Variants in MED24 observed in about 807,000 individuals in gnomAD.
MED24 encodes mediator complex subunit 24.
Under a neutral mutation model 118.8 loss-of-function variants are expected in MED24, and 74 were observed. That is an observed-to-expected ratio of 0.62 (90% confidence interval 0.52 to 0.76). MED24 has a LOEUF of 0.76. MED24 is among the 30% of genes least tolerant of loss of function. The pLI, the probability that MED24 is intolerant of heterozygous loss-of-function variation, is 0.00. For missense variants in MED24, 1,041 were observed against 1,278.9 expected (o/e 0.81, Z 2.84); for synonymous variants, 521 against 523.9 (o/e 0.99, Z 0.08).
At position 40,026,642 on chromosome 17, in the gene MED24, G is replaced by T. The variant is rs1156232151; in HGVS notation, c.1809+5C>A. The stretch of plus-strand genomic sequence containing the variant: ...GAGCAAACGCTGCTGGGAAGGCGGG[G>T]CTACCTGGATGGACTCGAAGGCCAG... On this transcript the variant is annotated splice_donor_5th_base_variant and intron_variant, in intron 18 of 25. Transcript: ENST00000394128. 6.2e-7 allele frequency: 1 copy of T among 1,603,102 alleles called. No individual in the cohort carries two copies. The highest frequency in any genetic ancestry group is 2.2e-5 in the East Asian group (1 of 44,508).
At position 40,022,409 on chromosome 17, in the gene MED24, G is replaced by A; in HGVS notation, c.2508C>T (p.His836=). Residue 836 remains histidine (H), a synonymous_variant, in exon 22 of 26, where the codon CAC becomes CAT. Transcript: ENST00000394128. ...GQASTRQKKR[H]REDIEDYISL... ...GGGGGCCTACCTCAATGTCTTCGCG[G>A]TGTCTCTTCTTCTGGCGGGTGGACG... 1 of 1,610,126 alleles carries A rather than the reference G, an allele frequency of 6.2e-7. No individual in the cohort carries two copies. Among genetic ancestry groups the A allele is most frequent in the Non-Finnish European group, 8.5e-7 (1 of 1,178,378 alleles).
chr17:40,032,113 A>G (rs1284703926), intron 9 of MED24, 23 bp from the exon 10 acceptor site: 2 of 1,611,772 alleles, frequency 1.2e-6, no homozygotes, highest in Admixed American at 1.7e-5. Flanking sequence ...GCAGGGGGAA[A>G]AACAGGAAGA....
In MED24 at chr17:40,022,425, C is replaced by A. The variant is rs745781592; in HGVS notation, c.2492G>T (p.Arg831Leu). 2 of 1,610,526 alleles carry A rather than the reference C, an allele frequency of 1.2e-6. No homozygotes were observed. Among genetic ancestry groups the A allele is most frequent in the Admixed American group, 1.7e-5 (1 of 59,394 alleles). The change falls in exon 22 of 26, where the codon CGC becomes CTC. Residue 831 changes from arginine to leucine, a missense_variant. Coordinates refer to ENST00000394128, the MANE Select transcript of MED24 (RefSeq NM_014815.4). ...GTCTTCGCGGTGTCTCTTCTTCTGG[C>A]GGGTGGACGCCTGTCCCTTGTGGGA... ...YSSHKGQASTRQKKRHREDIE... is the reference protein window; with the variant it reads ...YSSHKGQASTLQKKRHREDIE...
chr17:40,024,722 T>C (rs1416230457), intron 19 of MED24, among the ~76,000 whole-genome samples: 1 of 152,106 alleles, frequency 6.6e-6, no homozygotes, highest in South Asian at 2.1e-4. Context: ...AGCCACACAA[T>C]AGAGGTTTCT....
rs1011149880 is a variant in MED24, at chr17:40,029,968, T to C, written c.1155-109A>G. 7 of 899,722 alleles carry C rather than the reference T, an allele frequency of 7.8e-6. No homozygotes were observed. In the African/African-American group the frequency reaches 1.2e-4, roughly 15 times the overall value. The allele number at this position is 899,722 out of a possible 1,614,324, so 55.7% of individuals were successfully genotyped here. A position where few individuals can be genotyped will look rare whatever the true frequency, so the allele number is the denominator to read the frequency against. On this transcript the variant is annotated intron_variant, in intron 12 of 25. Transcript: ENST00000394128. The stretch of plus-strand genomic sequence containing the variant: ...AAATGCGCAGAGGAGGTGGGAAGCA[T>C]GTAAGAACCTCCGAGGTTGGGGTGA...
At chr17:40,042,926 A>C (rs1434330771) in intron 3 of MED24, among the ~76,000 whole-genome samples, 1 of 152,216 alleles carries the variant, frequency 6.6e-6, no homozygotes, top group Non-Finnish European at 1.5e-5. Context: ...AAATTAGAGA[A>C]TATATTTTTC....
chr17:40,028,260 C>T (rs1018830169), intron 14 of MED24, among the ~76,000 whole-genome samples: 1 of 151,956 alleles, frequency 6.6e-6, no homozygotes, highest in African/African-American at 2.4e-5. Flanking sequence ...TTACAGGTGC[C>T]CGCCACCACA....
In MED24 at chr17:40,019,773, G is replaced by C; in HGVS notation, c.2853+12C>G. The C allele has an allele frequency of 1.2e-6, 2 of 1,611,936 alleles. No individual in the cohort carries two copies. The highest frequency in any genetic ancestry group is 1.7e-6 in the Non-Finnish European group (2 of 1,178,740). On this transcript the variant is annotated intron_variant, in intron 25 of 25. Transcript: ENST00000394128. ...CCAGCACCAGCAGGAGAGCCGGGAA[G>C]GTGGTACTCACGGTGGTGAAGGGCA...
chr17:40,051,630 A>AT lies in MED24; in HGVS notation c.213+1667dup, dbSNP rs536129416. ...TCTGCCTCAATCAATCAATCAATCA[A>AT]TAAAAAATAAGGCTGGGCGTGGTGG... On this transcript the variant is annotated intron_variant, in intron 3 of 25. Transcript: ENST00000394128. 4.4e-4 allele frequency among the ~76,000 whole-genome samples: 67 copies of AT among 150,582 alleles called. No homozygotes were observed. The East Asian group carries it at 0.012, about 27-fold the overall frequency.
chr17:40,022,525 C>T (rs1338949472), intron 21 of MED24, 41 bp from the exon 22 acceptor site: 3 of 1,593,134 alleles, frequency 1.9e-6, no homozygotes, highest in Non-Finnish European at 2.6e-6. Flanking sequence ...GTGAGAGGTG[C>T]CCCAGGAGCT....
Position 40,035,117 on chromosome 17 carries a change from A to C in MED24, c.559T>G (p.Ser187Ala). The change falls in exon 6 of 26, where the codon TCT (serine) becomes GCT (alanine). Residue 187 changes from serine to alanine, a missense_variant and splice_region_variant. Physicochemically the swap from Ser to Ala is moderately conservative, Grantham distance 99. This residue lies in a region of MED24 where 434 missense variants were observed against 514.9 expected (regional missense o/e 0.84). Transcript: ENST00000394128. ...GGCTCAGGGGAATCAAGGGACATAC[A>C]GGCCTCCTCTAGTTTGGCGATGTGC... Reference protein sequence around the residue: ...LLHIAKLEEASSWTAIEHSLL... With the variant: ...LLHIAKLEEAASWTAIEHSLL... The C allele has an allele frequency of 1.2e-6, 2 of 1,614,038 alleles. No homozygotes were observed. Among genetic ancestry groups the C allele is most frequent in the Non-Finnish European group, 1.7e-6 (2 of 1,179,940 alleles).
rs112526586 is a variant in MED24 at position 40,020,363 on chromosome 17, G to A, written c.2624-10C>T. On this transcript the variant is annotated splice_polypyrimidine_tract_variant and intron_variant, in intron 23 of 25. Coordinates refer to ENST00000394128, the MANE Select transcript of MED24 (RefSeq NM_014815.4). The stretch of plus-strand genomic sequence containing the variant: ...CTCATGGATCGGTCTGCTGTGGGAC[G>A]GAGCAGATGGAGCGCTGGGAAACAG... 37 of 1,585,324 alleles carry A rather than the reference G, an allele frequency of 2.3e-5. No homozygotes were observed. The African/African-American group carries it at 2.7e-4, about 12-fold the overall frequency.
Position 40,019,549 on chromosome 17 carries a change from T to C in MED24, c.2950A>G (p.Lys984Glu). ...SLPLGRQVAA[K>E]AIAAL Reference sequence around the variant, plus strand: ...GCCCCTCAGAGTGCAGCAATGGCTTTAGCAGCCACCTGGCGGCCCAGGGGC... The same window carrying C: ...GCCCCTCAGAGTGCAGCAATGGCTTCAGCAGCCACCTGGCGGCCCAGGGGC... The change falls in exon 26 of 26, where the codon AAA becomes GAA. Residue 984 changes from lysine (K) to glutamate (E), a missense_variant. Physicochemically the swap from Lys to Glu is moderately conservative, Grantham distance 56. Coordinates refer to ENST00000394128, the MANE Select transcript of MED24 (RefSeq NM_014815.4). The C allele has an allele frequency of 6.2e-7, 1 of 1,612,346 alleles. No individual in the cohort carries two copies. Among genetic ancestry groups the C allele is most frequent in the Non-Finnish European group, 8.5e-7 (1 of 1,179,628 alleles).
At chr17:40,020,933 C>T (rs1403120543) in intron 23 of MED24, among the ~76,000 whole-genome samples, 4 of 151,716 alleles carry the variant, frequency 2.6e-5, no homozygotes, top group African/African-American at 4.8e-5. Context: ...ATTAGCCAGG[C>T]GTTGTGGCAG....
intron 16 of MED24, 74 bp downstream of exon 16, chr17:40,027,309 A>G: frequency 6.8e-7 from 1 of 1,472,504 alleles, no homozygotes; most frequent in Non-Finnish European, 9.2e-7. Flanking sequence ...GCGGGGGCGC[A>G]GGCAGTGAGG....
At chr17:40,043,716 C>G (rs1371790289) in intron 3 of MED24, among the ~76,000 whole-genome samples, 5 of 151,120 alleles carry the variant, frequency 3.3e-5, no homozygotes, top group African/African-American at 1.2e-4. Flanking sequence ...TTCGTGAAAC[C>G]CCATCTCTAC....
Position 40,022,013 on chromosome 17 carries a change from C to A in MED24, c.2565G>T (p.Ser855=), listed in dbSNP as rs567960186. 2.5e-6 allele frequency: 4 copies of A among 1,611,908 alleles called. No homozygotes were observed. Among genetic ancestry groups the A allele is most frequent in the Non-Finnish European group, 3.4e-6 (4 of 1,178,994 alleles). The change falls in exon 23 of 26, where the codon TCG becomes TCT. Residue 855 remains serine, a synonymous_variant. Coordinates refer to ENST00000394128, the MANE Select transcript of MED24 (RefSeq NM_014815.4). Reference sequence around the variant, plus strand: ...TAGAGCTCAGCAGTCGCATCAACTTCGAAGGCTGCACATCGTCCAGGGGGA... The same window carrying A: ...TAGAGCTCAGCAGTCGCATCAACTTAGAAGGCTGCACATCGTCCAGGGGGA... The part of the protein sequence containing the change: ...SLFPLDDVQP[S]KLMRLLSSNE...
chr17:40,043,838 C>T (rs1223568650), intron 3 of MED24, among the ~76,000 whole-genome samples: 2 of 147,342 alleles, frequency 1.4e-5, no homozygotes, highest in Non-Finnish European at 3.0e-5. Context: ...TTGCAGTGAA[C>T]CGAGATACTG....
At chr17:40,049,719 G>GT (rs1985612898) in intron 3 of MED24, among the ~76,000 whole-genome samples, 1 of 151,588 alleles carries the variant, frequency 6.6e-6, no homozygotes, top group African/African-American at 2.4e-5. Flanking sequence ...TAGAGACGGG[G>GT]TTTCACCATG....
Sources: allele counts gnomAD v4.1 joint callset (sites outside exome capture counted in the v4.1 genomes callset), GRCh38; gene constraint gnomAD v4.1.1; regional missense constraint gnomAD v4.1.1; transcripts MANE v1.5; gene names NCBI Gene and HGNC (gene_info 2026-07-23, HGNC 2026-07-21).